AGPAT3: variants seen among roughly 807,000 people sequenced by gnomAD.
AGPAT3 encodes 1-acyl-sn-glycerol-3-phosphate acyltransferase gamma.
A neutral mutation model predicts 47.3 loss-of-function variants in AGPAT3; 5 were observed. That is an observed-to-expected ratio of 0.11 (90% CI 0.06 to 0.22). The LOEUF (loss-of-function observed/expected upper bound fraction) is 0.22, where lower values mean the gene tolerates loss of function less well. Among genes scored for constraint, AGPAT3 ranks in the 10% least tolerant of loss-of-function variants. The pLI, the probability that AGPAT3 is intolerant of heterozygous loss-of-function variation, is 1.00. For synonymous variants in AGPAT3, 212 were observed against 208.3 expected (o/e 1.02, Z -0.15); for missense variants, 315 against 493.0 (o/e 0.64, Z 3.42).
chr21:43,865,697 G>A (rs558252243), intron 1 of AGPAT3, among the ~76,000 whole-genome samples: 38 of 151,468 alleles, frequency 2.5e-4, no homozygotes, highest in African/African-American at 8.7e-4. Flanking sequence ...GAGGGGCCCG[G>A]GCCGGGCCGA....
intron 2 of AGPAT3, among the ~76,000 whole-genome samples, chr21:43,914,228 G>A (rs559594259): frequency 1.9e-4 from 29 of 152,308 alleles, no homozygotes; most frequent in Non-Finnish European, 2.6e-4. Context: ...GGGTCCTTAC[G>A]CCACAATTTG....
chr21:43,943,184 C>G (rs999300425), intron 2 of AGPAT3, among the ~76,000 whole-genome samples: 44 of 152,212 alleles, frequency 2.9e-4, no homozygotes, highest in African/African-American at 1.1e-3. Context: ...ACACCATTCT[C>G]CTGCCTCAGC....
Position 43,865,246 on chromosome 21 carries a change from G to A in AGPAT3, c.-211G>A, listed in dbSNP as rs1485393010. 3 of 147,208 alleles carry A rather than the reference G, an allele frequency of 2.0e-5. No homozygotes were observed. Among genetic ancestry groups the A allele is most frequent in the Admixed American group, 2.0e-4 (3 of 14,764 alleles). The allele number at this position is 147,208 out of a possible 1,614,324, so 9.1% of individuals were successfully genotyped here. A position where few individuals can be genotyped will look rare whatever the true frequency, so the allele number is the denominator to read the frequency against. ...GCACTCGCTGAGGCCCCGACGCAGGGCCGGGCCGGGCCCAGGGCCGAGGAG... is the reference window on the plus strand; with the variant it reads ...GCACTCGCTGAGGCCCCGACGCAGGACCGGGCCGGGCCCAGGGCCGAGGAG... On this transcript the variant is annotated 5_prime_UTR_variant, in exon 1 of 10. Coordinates refer to ENST00000291572, the MANE Select transcript of AGPAT3 (RefSeq NM_020132.5).
chr21:43,900,254 G>A (rs2086319966), intron 1 of AGPAT3, among the ~76,000 whole-genome samples: 1 of 152,212 alleles, frequency 6.6e-6, no homozygotes. Context: ...CTGGATGAGT[G>A]AAAACCTGGA....
In AGPAT3 at chr21:43,955,734, C is replaced by T. The variant is rs1322601114; in HGVS notation, c.-48-3900C>T. ...CAGCCTGGCCAACATGGCGAAACCC[C>T]ATCTCTACTAAACATACAAAAATTT... is the stretch of plus-strand genomic sequence containing the variant. On this transcript the variant is annotated intron_variant, in intron 2 of 9. Transcript: ENST00000291572. The surrounding 1 kb of genome is among the most constrained non-coding windows in gnomAD (Gnocchi z 4.1). Among the ~76,000 whole-genome samples the T allele has an allele frequency of 2.0e-5, 3 of 151,874 alleles. No individual in the cohort carries two copies. The highest frequency in any genetic ancestry group is 2.0e-4 in the East Asian group (1 of 5,060).
intron 2 of AGPAT3, among the ~76,000 whole-genome samples, chr21:43,958,380 G>C (rs549104993): frequency 3.3e-5 from 5 of 151,618 alleles, no homozygotes; most frequent in African/African-American, 1.2e-4. Flanking sequence ...GTAGAGTATG[G>C]GGCTGTGTGC....
intron 8 of AGPAT3, among the ~76,000 whole-genome samples, chr21:43,979,389 G>A (rs577699761): frequency 4.6e-5 from 7 of 151,102 alleles, no homozygotes; most frequent in African/African-American, 1.2e-4. Flanking sequence ...GCTGAGACTC[G>A]GTCCTGGGCC....
In AGPAT3 at chr21:43,922,145, C is replaced by T. The variant is rs993834398; in HGVS notation, c.-49+18126C>T. ...CACCTGGGGACGGGGATGAGTCACC[C>T]GGGGGCCTTGGTGCATGTGGAGGCC... On this transcript the variant is annotated intron_variant, in intron 2 of 9. Coordinates refer to ENST00000291572, the MANE Select transcript of AGPAT3 (RefSeq NM_020132.5). The surrounding 1 kb of genome is among the most constrained non-coding windows in gnomAD (Gnocchi z 4.9). Among the ~76,000 whole-genome samples the T allele has an allele frequency of 1.3e-5, 2 of 152,194 alleles. No homozygotes were observed. Among genetic ancestry groups the T allele is most frequent in the East Asian group, 1.9e-4 (1 of 5,188 alleles).
chr21:43,941,291 C>T (rs913871388), intron 2 of AGPAT3, among the ~76,000 whole-genome samples: 5 of 152,126 alleles, frequency 3.3e-5, no homozygotes, highest in African/African-American at 9.7e-5. Context: ...TCTATAGATC[C>T]GATTAATGCA....
rs1361616874 is a variant in AGPAT3 at position 43,985,357 on chromosome 21, AAAT to A, written c.*2968_*2970del. On this transcript the variant is annotated 3_prime_UTR_variant, in exon 10 of 10. Transcript: ENST00000291572. ...AGAGATGAGCGCTGAACAAATCACTAAATAACACAAAACAACAATGTAAGCAGC... is the reference window on the plus strand; with the variant it reads ...AGAGATGAGCGCTGAACAAATCACTAAACACAAAACAACAATGTAAGCAGC... 3 of 349,266 alleles carry A rather than the reference AAAT, an allele frequency of 8.6e-6. No individual in the cohort carries two copies. Among genetic ancestry groups the A allele is most frequent in the Non-Finnish European group, 1.1e-5 (2 of 176,184 alleles). The allele number at this position is 349,266 out of a possible 1,614,324, so 21.6% of individuals were successfully genotyped here.
chr21:43,893,609 G>A (rs1273442284), intron 1 of AGPAT3, among the ~76,000 whole-genome samples: 1 of 152,198 alleles, frequency 6.6e-6, no homozygotes, highest in African/African-American at 2.4e-5. Flanking sequence ...AGCTTTTGAT[G>A]TAAAGTGAGA....
chr21:43,978,928 G>A (rs189156209), intron 8 of AGPAT3, among the ~76,000 whole-genome samples: 109 of 152,284 alleles, frequency 7.2e-4, no homozygotes, highest in African/African-American at 2.5e-3. Flanking sequence ...CGGCCTTGTG[G>A]GAGAGGAGAT....
chr21:43,904,626 C>T (rs1199475352), intron 2 of AGPAT3, among the ~76,000 whole-genome samples: 2 of 152,140 alleles, frequency 1.3e-5, no homozygotes, highest in African/African-American at 4.8e-5. Context: ...ATTGCCTGGC[C>T]GTTGAGTCAC....
intron 7 of AGPAT3, among the ~76,000 whole-genome samples, chr21:43,975,921 C>G (rs565054448): frequency 6.6e-6 from 1 of 151,746 alleles, no homozygotes; most frequent in Non-Finnish European, 1.5e-5. Context: ...ATTGAGCACC[C>G]GCTGTTAAGA....
At chr21:43,925,553 G>A (rs983056432) in intron 2 of AGPAT3, 1 of 152,398 alleles carries the variant, frequency 6.6e-6, no homozygotes, top group Admixed American at 6.5e-5. Context: ...GAGGGAGAAC[G>A]GGAGCTTGGG....
At chr21:43,975,009 G>A (rs1026646128) in intron 7 of AGPAT3, among the ~76,000 whole-genome samples, 1 of 152,150 alleles carries the variant, frequency 6.6e-6, no homozygotes, top group Non-Finnish European at 1.5e-5. Context: ...GGTGTGTGCT[G>A]TGTGCTGTTG....
chr21:43,931,277 C>T (rs1330959693), intron 2 of AGPAT3, among the ~76,000 whole-genome samples: 1 of 152,126 alleles, frequency 6.6e-6, no homozygotes, highest in African/African-American at 2.4e-5. Context: ...TTAATCACAC[C>T]TGGAGTTTCG....
chr21:43,888,144 G>T (rs912483509), intron 1 of AGPAT3, among the ~76,000 whole-genome samples: 1 of 152,154 alleles, frequency 6.6e-6, no homozygotes, highest in Admixed American at 6.5e-5. Flanking sequence ...AGGCTCAAAC[G>T]ATCCTTCCAC....
chr21:43,868,191 G>A (rs1406805030), intron 1 of AGPAT3, among the ~76,000 whole-genome samples: 1 of 152,228 alleles, frequency 6.6e-6, no homozygotes, highest in East Asian at 1.9e-4. Flanking sequence ...GTGAAAGTTG[G>A]CCATTCTTTC....
Sources: allele counts gnomAD v4.1 joint callset (sites outside exome capture counted in the v4.1 genomes callset), GRCh38; gene constraint gnomAD v4.1.1; non-coding constraint Gnocchi (gnomAD v3.1); transcripts MANE v1.5; gene names NCBI Gene and HGNC (gene_info 2026-07-23, HGNC 2026-07-21).